The following DNAJB6 variants were observed in gnomAD, a reference collection of about 807,000 sequenced individuals.
The protein encoded by DNAJB6 is DnaJ heat shock protein family (Hsp40) member B6, also known as dnaJ homolog subfamily B member 6.
DNAJB6 carries 16 observed loss-of-function variants against 42.7 expected under a neutral mutation model. The observed-to-expected ratio is 0.37, with a 90% CI of 0.25 to 0.57. The LOEUF (loss-of-function observed/expected upper bound fraction) is 0.57. DNAJB6 is among the 20% of genes least tolerant of loss of function. The pLI, the probability that DNAJB6 is intolerant of heterozygous loss-of-function variation, is 0.74. For synonymous variants in DNAJB6, 170 were observed against 163.5 expected, an observed-to-expected ratio of 1.04 and a Z score of -0.30; for missense variants, 347 against 416.8, an observed-to-expected ratio of 0.83 and a Z score of 1.46.
At chr7:157,406,892 A>G (rs969250445) in intron 8 of DNAJB6, among the ~76,000 whole-genome samples, 6 of 152,244 alleles carry the variant, frequency 3.9e-5, no homozygotes, top group Non-Finnish European at 7.3e-5. Context: ...AGCAGCTCTG[A>G]AGGCAGCGCG....
chr7:157,385,448 G>C, intron 7 of DNAJB6, 93 bp from the exon 8 acceptor site: 4 of 1,298,476 alleles, frequency 3.1e-6, no homozygotes, highest in Non-Finnish European at 3.2e-6. Context: ...TATATTCATG[G>C]TGTATTTCAG....
At chr7:157,344,080 C>T (rs1584875155) in intron 1 of DNAJB6, among the ~76,000 whole-genome samples, 1 of 152,138 alleles carries the variant, frequency 6.6e-6, no homozygotes, top group Non-Finnish European at 1.5e-5. Context: ...GTGGCTCACA[C>T]CTGTAATCCC....
At chr7:157,365,541 T>A (rs755571336) in intron 3 of DNAJB6, among the ~76,000 whole-genome samples, 2 of 152,228 alleles carry the variant, frequency 1.3e-5, no homozygotes, top group Non-Finnish European at 2.9e-5. Context: ...CTAATTGGGT[T>A]TTTGTAGTAA....
chr7:157,389,433 A>C (rs1176425351), intron 8 of DNAJB6, among the ~76,000 whole-genome samples: 1 of 152,338 alleles, frequency 6.6e-6, no homozygotes, highest in Admixed American at 6.5e-5. Context: ...GTTTTCAAGC[A>C]CAAAATTATG....
At position 157,409,775 on chromosome 7, in the gene DNAJB6, C is replaced by A; in HGVS notation, c.692-20C>A. 1 of 1,511,678 alleles carries A rather than the reference C, an allele frequency of 6.6e-7. No homozygotes were observed. 93.6% of individuals were successfully genotyped at this position (1,511,678 alleles called of 1,614,324 possible). ...CGCCGCCGCTCACTCACGGCTCTCT[C>A]TCTCCCGCTGTGCCTGCAGGTGTGG... On this transcript the variant is annotated intron_variant, in intron 8 of 9. Coordinates refer to ENST00000262177, the MANE Select transcript of DNAJB6 (RefSeq NM_058246.4).
chr7:157,369,353 T>C (rs1226892362), intron 5 of DNAJB6: 2 of 456,740 alleles, frequency 4.4e-6, no homozygotes, highest in Admixed American at 4.7e-5. Flanking sequence ...CATTTGTTGC[T>C]TTGCAGGACA....
At chr7:157,388,184 G>A (rs994864446) in intron 8 of DNAJB6, among the ~76,000 whole-genome samples, 2 of 152,140 alleles carry the variant, frequency 1.3e-5, no homozygotes, top group Non-Finnish European at 2.9e-5. Flanking sequence ...ATTGATAGAA[G>A]TGTAATTTTA....
chr7:157,353,413 T>G (rs1192796274), intron 1 of DNAJB6, among the ~76,000 whole-genome samples: 1 of 152,208 alleles, frequency 6.6e-6, no homozygotes, highest in Admixed American at 6.5e-5. Flanking sequence ...TTCTCAAAAG[T>G]AAGCAGTTGA....
intron 5 of DNAJB6, among the ~76,000 whole-genome samples, chr7:157,367,884 A>G (rs914881889): frequency 1.3e-5 from 2 of 151,992 alleles, no homozygotes; most frequent in Non-Finnish European, 2.9e-5. Flanking sequence ...TTAACATTGT[A>G]TTTTGTCACG....
chr7:157,337,601 C>A (rs1284238750), intron 1 of DNAJB6: 2 of 151,968 alleles, frequency 1.3e-5, no homozygotes, highest in Non-Finnish European at 1.5e-5. Context: ...CGCAGCCGTG[C>A]CGCCAAGTTC....
At position 157,356,152 on chromosome 7, in the gene DNAJB6, A is replaced by G. The variant is rs572501507; in HGVS notation, c.-26-2395A>G. Among the ~76,000 whole-genome samples the G allele has an allele frequency of 2.0e-5, 3 of 152,292 alleles. No individual in the cohort carries two copies. In the South Asian group the frequency reaches 6.2e-4, roughly 32 times the overall value. Reference sequence around the variant, plus strand: ...CTGGCATGGGGAGACTGGTACTGAGATTTCTGCTCTTGTTCTGTTAGTGAG... The same window carrying G: ...CTGGCATGGGGAGACTGGTACTGAGGTTTCTGCTCTTGTTCTGTTAGTGAG... On this transcript the variant is annotated intron_variant, in intron 1 of 9. Coordinates refer to ENST00000262177, the MANE Select transcript of DNAJB6 (RefSeq NM_058246.4).
At chr7:157,408,806 T>A (rs1168246378) in intron 8 of DNAJB6, among the ~76,000 whole-genome samples, 1 of 152,250 alleles carries the variant, frequency 6.6e-6, no homozygotes, top group Admixed American at 6.5e-5. Flanking sequence ...TCCTCAGTGC[T>A]TGCGGGGAAG....
chr7:157,340,195 G>A (rs1798287364), intron 1 of DNAJB6: 1 of 152,206 alleles, frequency 6.6e-6, no homozygotes, highest in Non-Finnish European at 1.5e-5. Context: ...TTACACACTG[G>A]ATTAACAGCG....
At chr7:157,387,367 A>G (rs544220051) in intron 8 of DNAJB6, among the ~76,000 whole-genome samples, 4 of 152,312 alleles carry the variant, frequency 2.6e-5, no homozygotes, top group Non-Finnish European at 1.5e-5. Context: ...CGTGCGGGAA[A>G]GCGGGACAGC....
intron 8 of DNAJB6, 154 bp downstream of exon 8, chr7:157,385,765 T>A: frequency 6.9e-7 from 1 of 1,443,636 alleles, no homozygotes; most frequent in Non-Finnish European, 9.2e-7. Flanking sequence ...GTACCTAAAG[T>A]ATTTATAAAC....
Position 157,388,086 on chromosome 7 carries a change from TC to T in DNAJB6, c.691+2477del, listed in dbSNP as rs374210475. Among the ~76,000 whole-genome samples the T allele has an allele frequency of 4.6e-5, 7 of 152,198 alleles. No individual in the cohort carries two copies. The South Asian group carries it at 6.2e-4, about 14-fold the overall frequency. On this transcript the variant is annotated intron_variant, in intron 8 of 9. Transcript: ENST00000262177. The stretch of plus-strand genomic sequence containing the variant: ...GTCTGGAACTCTTGACTTCAAGTGA[TC>T]CATCCACCTTGGCCTCCCAAAGTGC...
At chr7:157,398,035 G>A (rs561751520) in intron 8 of DNAJB6, among the ~76,000 whole-genome samples, 1 of 152,336 alleles carries the variant, frequency 6.6e-6, no homozygotes, top group African/African-American at 2.4e-5. Flanking sequence ...AACTTGTTCA[G>A]CCTTCGTACC....
At chr7:157,399,423 G>A (rs1002265000) in intron 8 of DNAJB6, among the ~76,000 whole-genome samples, 1 of 151,848 alleles carries the variant, frequency 6.6e-6, no homozygotes, top group Non-Finnish European at 1.5e-5. Flanking sequence ...CAGGGGTTGC[G>A]TAAGGTTAGG....
At chr7:157,337,767 C>T (rs6955751) in intron 1 of DNAJB6, 1 of 152,262 alleles carries the variant, frequency 6.6e-6, no homozygotes, top group Non-Finnish European at 1.5e-5. Flanking sequence ...GTTGATGCAA[C>T]TGAAGTTTAT....
Sources: allele counts gnomAD v4.1 joint callset (sites outside exome capture counted in the v4.1 genomes callset), GRCh38; gene constraint gnomAD v4.1.1; transcripts MANE v1.5; gene names NCBI Gene and HGNC (gene_info 2026-07-23, HGNC 2026-07-21).